Variants in RBFOX1 observed in about 807,000 individuals in gnomAD.
RBFOX1 encodes the protein RNA binding protein fox-1 homolog 1.
A neutral mutation model predicts 57.7 loss-of-function variants in RBFOX1; 8 were observed. That is an observed-to-expected ratio of 0.14 (90% CI 0.08 to 0.25). RBFOX1 has a LOEUF of 0.25. Ranked by LOEUF, RBFOX1 falls within the 10% of genes least tolerant of loss-of-function variation. RBFOX1 has a pLI of 1.00. For synonymous variants in RBFOX1, 326 were observed against 222.4 expected, an observed-to-expected ratio of 1.47 and a Z score of -4.15; for missense variants, 611 against 548.5, an observed-to-expected ratio of 1.11 and a Z score of -1.14.
intron 2 of RBFOX1, among the ~76,000 whole-genome samples, chr16:6,586,030 A>G (rs1172289935): frequency 1.3e-5 from 2 of 152,352 alleles, no homozygotes; most frequent in African/African-American, 2.4e-5. Context: ...ACTGCAATGT[A>G]TAGAACAGGT....
Position 6,878,127 on chromosome 16 carries a change from G to T in RBFOX1, c.-15-173930G>T, listed in dbSNP as rs138250171. On this transcript the variant is annotated intron_variant, in intron 3 of 15. Transcript: ENST00000550418. ...GGCGTGTATGCAAGGACTTCTAAGA[G>T]AAGTGATAGCTAATGTTTGTGTTGC... 3.7e-3 allele frequency among the ~76,000 whole-genome samples: 566 copies of T among 152,264 alleles called. 5 individuals are homozygous for T. The highest frequency in any genetic ancestry group is 0.013 in the African/African-American group (534 of 41,544).
At chr16:7,567,183 A>G (rs1035898849) in intron 5 of RBFOX1, among the ~76,000 whole-genome samples, 1 of 143,158 alleles carries the variant, frequency 7.0e-6, no homozygotes, top group Non-Finnish European at 1.5e-5. Context: ...ATCCCTATAT[A>G]AATATCCATA....
intron 3 of RBFOX1, among the ~76,000 whole-genome samples, chr16:6,967,361 C>G (rs570089515): frequency 6.6e-6 from 1 of 152,114 alleles, no homozygotes; most frequent in African/African-American, 2.4e-5. Context: ...TCTCATGTTC[C>G]TTGAGCAGGG....
At chr16:6,936,439 G>A (rs888213238) in intron 3 of RBFOX1, among the ~76,000 whole-genome samples, 1 of 152,142 alleles carries the variant, frequency 6.6e-6, no homozygotes, top group South Asian at 2.1e-4. Flanking sequence ...GATGCATTTT[G>A]TTAGTGCCTG....
intron 1 of RBFOX1, among the ~76,000 whole-genome samples, chr16:5,434,089 T>A (rs2067838252): frequency 6.6e-6 from 1 of 152,162 alleles, no homozygotes; most frequent in African/African-American, 2.4e-5. Context: ...CTCAGCTGAC[T>A]GTAATCTGCA....
intron 4 of RBFOX1, among the ~76,000 whole-genome samples, chr16:7,217,842 C>T (rs1202236841): frequency 6.6e-6 from 1 of 152,164 alleles, no homozygotes; most frequent in African/African-American, 2.4e-5. Flanking sequence ...TCACTACTCA[C>T]TGCATGTGTG....
intron 2 of RBFOX1, among the ~76,000 whole-genome samples, chr16:6,517,044 T>A (rs1309386681): frequency 3.3e-5 from 5 of 152,152 alleles, no homozygotes; most frequent in African/African-American, 1.2e-4. Flanking sequence ...AATGTTCCTT[T>A]TAGCCTCTCA....
intron 3 of RBFOX1, among the ~76,000 whole-genome samples, chr16:6,757,964 C>A (rs911795140): frequency 6.6e-6 from 1 of 152,054 alleles, no homozygotes; most frequent in African/African-American, 2.4e-5. Flanking sequence ...ACAACAACAT[C>A]CAGGTTTTGT....
Position 7,226,336 on chromosome 16 carries a change from A to C in RBFOX1, c.27+174238A>C, listed in dbSNP as rs549659167. ...CTGGAGAAGAGGTTCTTCTTCAAAGAAGTGCAGTGTGTAATGCCCACCTGA... is the reference window on the plus strand; with the variant it reads ...CTGGAGAAGAGGTTCTTCTTCAAAGCAGTGCAGTGTGTAATGCCCACCTGA... On this transcript the variant is annotated intron_variant, in intron 4 of 15. Coordinates refer to ENST00000550418, the MANE Select transcript of RBFOX1 (RefSeq NM_018723.4). Among the ~76,000 whole-genome samples, 6 of 152,338 alleles carry C rather than the reference A, an allele frequency of 3.9e-5. No individual in the cohort carries two copies. The East Asian group carries it at 7.7e-4, about 20-fold the overall frequency.
chr16:6,874,200 C>G (rs971356579), intron 3 of RBFOX1, among the ~76,000 whole-genome samples: 1 of 151,782 alleles, frequency 6.6e-6, no homozygotes, highest in Non-Finnish European at 1.5e-5. Context: ...CAAACACATG[C>G]TACTCAGCCA....
chr16:5,740,794 T>C (rs1407790271), intron 3 of RBFOX1, among the ~76,000 whole-genome samples: 1 of 152,198 alleles, frequency 6.6e-6, no homozygotes, highest in Non-Finnish European at 1.5e-5. Context: ...AGAATGTTTC[T>C]TTTACTGTCC....
chr16:7,690,129 T>G (rs2077002600), intron 14 of RBFOX1, among the ~76,000 whole-genome samples: 1 of 152,050 alleles, frequency 6.6e-6, no homozygotes, highest in Non-Finnish European at 1.5e-5. Flanking sequence ...CTGGGCCACA[T>G]ATTAGAGTCA....
intron 3 of RBFOX1, among the ~76,000 whole-genome samples, chr16:7,015,688 C>G (rs991901496): frequency 6.6e-6 from 1 of 152,094 alleles, no homozygotes; most frequent in Admixed American, 6.5e-5. Context: ...TTTTTTATGA[C>G]TAGCGGTCTA....
At chr16:7,023,019 G>T (rs1053177682) in intron 3 of RBFOX1, among the ~76,000 whole-genome samples, 1 of 152,162 alleles carries the variant, frequency 6.6e-6, no homozygotes. Flanking sequence ...TAATGTGAAG[G>T]TTGAAAAATA....
intron 1 of RBFOX1, among the ~76,000 whole-genome samples, chr16:6,130,279 C>G (rs1310397589): frequency 1.3e-5 from 2 of 152,008 alleles, no homozygotes; most frequent in Non-Finnish European, 2.9e-5. Context: ...GTAGGAAATA[C>G]AGTTTTATTA....
At chr16:6,437,068 G>T (rs887728904) in intron 2 of RBFOX1, among the ~76,000 whole-genome samples, 1 of 152,110 alleles carries the variant, frequency 6.6e-6, no homozygotes, top group East Asian at 1.9e-4. Context: ...CTATTTTCAA[G>T]GTTCTTCATC....
chr16:6,423,084 T>C (rs1016383535), intron 2 of RBFOX1, among the ~76,000 whole-genome samples: 1 of 152,228 alleles, frequency 6.6e-6, no homozygotes, highest in Non-Finnish European at 1.5e-5. Flanking sequence ...GTTGATTCCA[T>C]GTATTCACAA....
In RBFOX1 at chr16:5,342,828, A is replaced by T. The variant is rs146017449; in HGVS notation, c.219+102723A>T. ...GCTTACCTAGTTTTCCTTACTATGG[A>T]CATGTGACTGTTTTTCCGCATCTCT... On this transcript the variant is annotated intron_variant, in intron 1 of 2. Coordinates refer to the RBFOX1 transcript ENST00000585867. 2.8e-4 allele frequency among the ~76,000 whole-genome samples: 42 copies of T among 152,296 alleles called. No individual in the cohort carries two copies. In the East Asian group the frequency reaches 7.5e-3, roughly 27 times the overall value.
chr16:7,140,157 C>CTCTCT (rs2073295791), intron 4 of RBFOX1, among the ~76,000 whole-genome samples: 41 of 70,886 alleles, frequency 5.8e-4, no homozygotes, highest in African/African-American at 1.7e-3. Flanking sequence ...TCCTTCTCTC[C>CTCTCT]CTCTCTCTCT....
Sources: allele counts gnomAD v4.1 joint callset (sites outside exome capture counted in the v4.1 genomes callset), GRCh38; gene constraint gnomAD v4.1.1; transcripts MANE v1.5; gene names NCBI Gene and HGNC (gene_info 2026-07-23, HGNC 2026-07-21).